Variants in TTC28 observed in about 807,000 individuals in gnomAD.
TTC28 encodes the protein tetratricopeptide repeat domain 28.
A neutral mutation model predicts 198.0 loss-of-function variants in TTC28; 61 were observed. That is an observed-to-expected ratio of 0.31 (90% CI 0.25 to 0.38). The LOEUF is 0.38. Among genes scored for constraint, TTC28 ranks in the 10% least tolerant of loss-of-function variants. The pLI is 1.00. For synonymous variants in TTC28, 1,171 were observed against 1,297.8 expected, an observed-to-expected ratio of 0.90 and a Z score of 2.10; for missense variants, 2,678 against 3,164.0, an observed-to-expected ratio of 0.85 and a Z score of 3.69.
intron 12 of TTC28, among the ~76,000 whole-genome samples, chr22:28,088,456 C>T: frequency 6.6e-6 from 1 of 152,058 alleles, no homozygotes; most frequent in Admixed American, 6.6e-5. Context: ...AACTGGCTAG[C>T]CATATGTAGA....
In TTC28 at chr22:28,582,247, C is replaced by T. The variant is rs116120744; in HGVS notation, c.381+47305G>A. Among the ~76,000 whole-genome samples the T allele has an allele frequency of 4.6e-5, 7 of 152,040 alleles. No individual in the cohort carries two copies. The South Asian group carries it at 8.3e-4, about 18-fold the overall frequency. ...TGATAGGGAGAAGAAGATCCCAAAA[C>T]GCAGAAGCAAAAATATTTATTTCTT... On this transcript the variant is annotated intron_variant, in intron 2 of 22. Transcript: ENST00000397906.
At chr22:28,106,121 A>C (rs1003974073) in intron 7 of TTC28, among the ~76,000 whole-genome samples, 2 of 152,192 alleles carry the variant, frequency 1.3e-5, no homozygotes, top group Non-Finnish European at 2.9e-5. Context: ...CAGGCCTCCC[A>C]ATTTCCACTA....
intron 12 of TTC28, among the ~76,000 whole-genome samples, chr22:28,031,713 G>C (rs1378508217): frequency 6.6e-6 from 1 of 152,180 alleles, no homozygotes; most frequent in East Asian, 1.9e-4. Context: ...CAACCATGGT[G>C]TGATGGCTAA....
chr22:28,661,077 G>C (rs1601675301), intron 1 of TTC28, among the ~76,000 whole-genome samples: 2 of 151,578 alleles, frequency 1.3e-5, no homozygotes, highest in African/African-American at 2.4e-5. Flanking sequence ...CTGAGGTCGG[G>C]AGTTCGAGAC....
At chr22:28,334,301 A>G (rs973599541) in intron 2 of TTC28, among the ~76,000 whole-genome samples, 4 of 152,118 alleles carry the variant, frequency 2.6e-5, no homozygotes, top group African/African-American at 9.6e-5. Flanking sequence ...GAATAGTGCC[A>G]CAATAAACAT....
rs189513984 is a variant in TTC28 at position 28,200,530 on chromosome 22, C to T, written c.934-36931G>A. On this transcript the variant is annotated intron_variant, in intron 5 of 22. Coordinates refer to ENST00000397906, the MANE Select transcript of TTC28 (RefSeq NM_001145418.2). ...GAGATAGTGTTGGTACCTGGCTCCC[C>T]TCCATAAGACAGCTGGAAATCCTAG... is the stretch of plus-strand genomic sequence containing the variant. Among the ~76,000 whole-genome samples, 416 of 151,918 alleles carry T rather than the reference C, an allele frequency of 2.7e-3. 9 individuals carry two copies. The highest frequency in any genetic ancestry group is 2.2e-4 in the Non-Finnish European group (15 of 67,872).
intron 11 of TTC28, 44 bp from the exon 12 acceptor site, chr22:28,094,289 C>A: frequency 6.8e-7 from 1 of 1,467,390 alleles, no homozygotes; most frequent in South Asian, 1.4e-5. Context: ...CAATTAGGGT[C>A]AGAGAAAGGA....
At chr22:28,189,591 A>G (rs1924537518) in intron 5 of TTC28, among the ~76,000 whole-genome samples, 1 of 151,824 alleles carries the variant, frequency 6.6e-6, no homozygotes, top group African/African-American at 2.4e-5. Context: ...GAAAAAAAAG[A>G]CCTTCTGTGA....
chr22:28,370,814 T>C (rs2046320783), intron 2 of TTC28, among the ~76,000 whole-genome samples: 1 of 152,154 alleles, frequency 6.6e-6, no homozygotes, highest in South Asian at 2.1e-4. Context: ...TACAAATCCT[T>C]GCTTTTCAAT....
intron 1 of TTC28, among the ~76,000 whole-genome samples, chr22:28,642,393 C>T (rs2051382637): frequency 6.6e-6 from 1 of 151,128 alleles, no homozygotes; most frequent in African/African-American, 2.4e-5. Context: ...TAGAGATAAA[C>T]CCTGTGAATA....
At chr22:28,340,275 A>G (rs908916315) in intron 2 of TTC28, among the ~76,000 whole-genome samples, 1 of 152,104 alleles carries the variant, frequency 6.6e-6, no homozygotes, top group Non-Finnish European at 1.5e-5. Context: ...CAACTGTAAC[A>G]TTCTAAAATC....
At chr22:27,987,454 AG>A (rs1252837958) in intron 21 of TTC28, among the ~76,000 whole-genome samples, 1 of 152,244 alleles carries the variant, frequency 6.6e-6, no homozygotes, top group East Asian at 1.9e-4. Flanking sequence ...GGTCTTGGCC[AG>A]GTGCGGTGGC....
chr22:28,110,759 A>T (rs1942458600), intron 6 of TTC28, among the ~76,000 whole-genome samples: 1 of 151,938 alleles, frequency 6.6e-6, no homozygotes, highest in Admixed American at 6.6e-5. Context: ...ACATAACAAG[A>T]CCTTGTCTCT....
intron 14 of TTC28, 84 bp downstream of exon 14, chr22:28,014,164 G>T: frequency 6.8e-7 from 1 of 1,464,246 alleles, no homozygotes. Flanking sequence ...CCATTTTGGT[G>T]TCTAAGAGGG....
At chr22:28,310,693 C>T (rs1391226106) in intron 2 of TTC28, among the ~76,000 whole-genome samples, 1 of 152,006 alleles carries the variant, frequency 6.6e-6, no homozygotes, top group Non-Finnish European at 1.5e-5. Flanking sequence ...AGTATATACT[C>T]ATATGTACAA....
intron 2 of TTC28, among the ~76,000 whole-genome samples, chr22:28,469,934 C>G (rs1272384458): frequency 6.6e-6 from 1 of 152,136 alleles, no homozygotes; most frequent in Admixed American, 6.6e-5. Flanking sequence ...CTCCTGAGCT[C>G]AAGTGATCCT....
At chr22:28,439,348 G>A (rs1284008465) in intron 2 of TTC28, among the ~76,000 whole-genome samples, 3 of 152,132 alleles carry the variant, frequency 2.0e-5, no homozygotes, top group Non-Finnish European at 2.9e-5. Context: ...TTTCTCAAGA[G>A]GAAAGGGGAA....
At chr22:28,193,511 G>A (rs757353964) in intron 5 of TTC28, among the ~76,000 whole-genome samples, 1 of 152,114 alleles carries the variant, frequency 6.6e-6, no homozygotes, top group African/African-American at 2.4e-5. Context: ...AAACAGTCAA[G>A]ACCCATCAGT....
At chr22:28,672,253 C>T (rs2145711879) in intron 1 of TTC28, among the ~76,000 whole-genome samples, 1 of 152,222 alleles carries the variant, frequency 6.6e-6, no homozygotes, top group East Asian at 1.9e-4. Flanking sequence ...ACTGCAAGCT[C>T]CGCCTCCCGG....
Sources: gnomAD v4.1 joint callset for allele counts (sites outside exome capture counted in the v4.1 genomes callset) on GRCh38, gnomAD v4.1.1 for gene constraint, MANE v1.5 for transcripts, NCBI Gene and HGNC (gene_info 2026-07-23, HGNC 2026-07-21) for gene names.